GIPR: variants seen among roughly 807,000 people sequenced by gnomAD.
The protein encoded by GIPR is GIP-R.
In GIPR, 74 loss-of-function variants were observed where a neutral mutation model predicts 62.2. The observed-to-expected ratio is 1.19, with a 90% CI of 0.99 to 1.44. The LOEUF (loss-of-function observed/expected upper bound fraction) is 1.44. Among genes scored for constraint, GIPR ranks in the 40% most tolerant of loss-of-function variants. GIPR has a pLI of 0.00. For synonymous variants in GIPR, 256 were observed against 262.2 expected, an observed-to-expected ratio of 0.98 and a Z score of 0.23; for missense variants, 664 against 611.8, an observed-to-expected ratio of 1.09 and a Z score of -0.90.
rs1478727949 is a variant in GIPR at position 45,678,100 on chromosome 19, C to T, written c.1026C>T (p.Ser342=). 4 of 1,612,644 alleles carry T rather than the reference C, an allele frequency of 2.5e-6. No individual in the cohort carries two copies. The highest frequency in any genetic ancestry group is 3.4e-6 in the Non-Finnish European group (4 of 1,179,926). ...CCTCTCTCCCCAGGCTGGCTCGCTC[C>T]ACGCTGACGCTGGTGCCCCTGCTGG... ...CRDYRLRLAR[S]TLTLVPLLGV... The change falls in exon 12 of 14, where the codon TCC becomes TCT. Residue 342 remains serine, a synonymous_variant. Coordinates refer to ENST00000590918, the MANE Select transcript of GIPR (RefSeq NM_000164.4).
In GIPR at chr19:45,683,593, C is replaced by T. The variant is rs1304267538; in HGVS notation, c.*1658C>T. ...TCTGTGGCTCCCTGGACCGACATGC[C>T]CCAAAGCTGAACTCAGCCTTTTCAA... On this transcript the variant is annotated 3_prime_UTR_variant, in exon 14 of 14. Transcript: ENST00000590918. The T allele has an allele frequency of 6.6e-6, 1 of 152,240 alleles. No individual in the cohort carries two copies. Among genetic ancestry groups the T allele is most frequent in the Non-Finnish European group, 1.5e-5 (1 of 68,082 alleles). 9.4% of individuals were successfully genotyped at this position (152,240 alleles called of 1,614,324 possible).
chr19:45,677,964 G>T lies in GIPR; in HGVS notation c.983G>T (p.Arg328Leu), dbSNP rs1967043171. The stretch of plus-strand genomic sequence containing the variant: ...ATTCTCCTGTCCAAGCTGAGGACAC[G>T]GCAAATGCGCTGCCGGGATTACCGG... The part of the protein sequence containing the change: ...LGILLSKLRT[R>L]QMRCRDYRLR... The change falls in exon 11 of 14, where the codon CGG becomes CTG. Residue 328 changes from arginine to leucine, a missense_variant. Physicochemically the swap from Arg to Leu is moderately radical, Grantham distance 102. Coordinates refer to ENST00000590918, the MANE Select transcript of GIPR (RefSeq NM_000164.4). 2 of 1,613,808 alleles carry T rather than the reference G, an allele frequency of 1.2e-6. No homozygotes were observed. Among genetic ancestry groups the T allele is most frequent in the African/African-American group, 1.3e-5 (1 of 74,922 alleles).
At chr19:45,680,856 A>G (rs1028160329) in intron 12 of GIPR, among the ~76,000 whole-genome samples, 1 of 149,712 alleles carries the variant, frequency 6.7e-6, no homozygotes, top group Non-Finnish European at 1.5e-5. Flanking sequence ...AAAAAAAAAA[A>G]AAGCAAAAAA....
chr19:45,680,700 G>A (rs1256387630), intron 12 of GIPR, among the ~76,000 whole-genome samples: 6 of 150,624 alleles, frequency 4.0e-5, no homozygotes, highest in African/African-American at 7.3e-5. Context: ...GCGTGGGGGC[G>A]CATGCCTGTA....
intron 2 of GIPR, among the ~76,000 whole-genome samples, chr19:45,669,933 A>G (rs1975447776): frequency 7.1e-6 from 1 of 141,836 alleles, no homozygotes; most frequent in Admixed American, 7.1e-5. Flanking sequence ...TGGGTGACAG[A>G]GTGAGACTCT....
At chr19:45,671,172 C>T (rs545686530) in intron 3 of GIPR, 113 bp from the exon 4 acceptor site, 15 of 754,464 alleles carry the variant, frequency 2.0e-5, no homozygotes, top group South Asian at 1.8e-4. Context: ...TTGGTGTGGC[C>T]GGCGGAGAAG....
Position 45,678,157 on chromosome 19 carries a change from A to G in GIPR, c.1083A>G (p.Thr361=), listed in dbSNP as rs754137701. The G allele has an allele frequency of 9.9e-6, 16 of 1,609,268 alleles. 1 individual carries two copies. In the Middle Eastern group the frequency reaches 9.7e-4, roughly 98 times the overall value. The part of the protein sequence containing the change: ...GVHEVVFAPV[T]EEQARGALRF... ...ACGAGGTGGTGTTTGCTCCCGTGAC[A>G]GAGGAACAGGCCCGGGGCGCCCTGC... The change falls in exon 12 of 14, where the codon ACA becomes ACG. Residue 361 remains threonine (T), a synonymous_variant. Coordinates refer to ENST00000590918, the MANE Select transcript of GIPR (RefSeq NM_000164.4).
Position 45,677,099 on chromosome 19 carries a change from C to G in GIPR, c.784C>G (p.Leu262Val), listed in dbSNP as rs5392. 168 of 1,613,720 alleles carry G rather than the reference C, an allele frequency of 1.0e-4. No homozygotes were observed. In the African/African-American group the frequency reaches 1.7e-3, roughly 17 times the overall value. ...GGGCCACTTCCGCTACTACCTGCTC[C>G]TCGGCTGGGGTGAGCTCCGATCCCG... ...EEGHFRYYLL[L>V]GWGAPALFVI... The change falls in exon 8 of 14, where the codon CTC becomes GTC. Residue 262 changes from leucine to valine, a missense_variant. Coordinates refer to ENST00000590918, the MANE Select transcript of GIPR (RefSeq NM_000164.4).
chr19:45,677,625 TG>T, intron 9 of GIPR, 84 bp from the exon 10 acceptor site: 1 of 1,082,444 alleles, frequency 9.2e-7, no homozygotes, highest in Non-Finnish European at 1.4e-6. Flanking sequence ...TCAAGTGCGG[TG>T]GGCGGGGCCT....
At position 45,682,334 on chromosome 19, in the gene GIPR, G is replaced by A; in HGVS notation, c.*399G>A. 5.0e-6 allele frequency: 1 copy of A among 201,728 alleles called. No homozygotes were observed. Among genetic ancestry groups the A allele is most frequent in the Non-Finnish European group, 1.0e-5 (1 of 100,238 alleles). 12.5% of individuals were successfully genotyped at this position (201,728 alleles called of 1,614,324 possible). ...TTGGCTGGAGTAGAATTAAGTCAGA[G>A]CCAACAGGTGGGGAGAGACAGAGAA... is the stretch of plus-strand genomic sequence containing the variant. On this transcript the variant is annotated 3_prime_UTR_variant, in exon 14 of 14. Transcript: ENST00000590918.
At position 45,673,058 on chromosome 19, in the gene GIPR, TGTAA is replaced by T. The variant is rs1975626558; in HGVS notation, c.384+107_384+110del. On this transcript the variant is annotated intron_variant, in intron 5 of 13. Coordinates refer to ENST00000590918, the MANE Select transcript of GIPR (RefSeq NM_000164.4). ...CCTTGGACTGTTCAGACCTCTGGGT[TGTAA>T]GTGAGAGAAACTCAACTCAGACTTG... The T allele has an allele frequency of 6.8e-6, 5 of 738,340 alleles. No individual in the cohort carries two copies. In the African/African-American group the frequency reaches 8.7e-5, roughly 13 times the overall value. The allele number at this position is 738,340 out of a possible 1,614,324, so 45.7% of individuals were successfully genotyped here. A position where few individuals can be genotyped will look rare whatever the true frequency, so the allele number is the denominator to read the frequency against.
intron 9 of GIPR, 27 bp downstream of exon 9, chr19:45,677,410 G>T (rs746325803): frequency 7.3e-7 from 1 of 1,376,228 alleles, no homozygotes; most frequent in South Asian, 1.2e-5. Context: ...GGGGCGGGGC[G>T]TGGGAGGTGG....
chr19:45,673,648 G>T (rs756937158), intron 5 of GIPR, among the ~76,000 whole-genome samples: 1 of 151,670 alleles, frequency 6.6e-6, no homozygotes, highest in African/African-American at 2.4e-5. Flanking sequence ...GGCGGATCAC[G>T]AGGTCAAGAG....
Position 45,672,303 on chromosome 19 carries a change from A to C in GIPR, c.281-548A>C, listed in dbSNP as rs563739519. ...AGCGCTGGGATTACAGGCCTATTTA[A>C]CTTTTGTTGTTTTTGTTGTTGTTGA... On this transcript the variant is annotated intron_variant, in intron 4 of 13. Coordinates refer to ENST00000590918, the MANE Select transcript of GIPR (RefSeq NM_000164.4). Among the ~76,000 whole-genome samples the C allele has an allele frequency of 4.0e-4, 61 of 151,450 alleles. 1 individual carries two copies. Among genetic ancestry groups the C allele is most frequent in the South Asian group, 3.8e-3 (18 of 4,778 alleles).
At chr19:45,671,485 C>A in intron 4 of GIPR, 93 bp downstream of exon 4, 1 of 797,154 alleles carries the variant, frequency 1.3e-6, no homozygotes, top group Admixed American at 1.8e-5. Context: ...CACAGCTCAC[C>A]TGCACCCCTC....
chr19:45,675,979 G>A (rs950122079), intron 7 of GIPR, among the ~76,000 whole-genome samples: 2 of 152,170 alleles, frequency 1.3e-5, no homozygotes, highest in Non-Finnish European at 2.9e-5. Context: ...GACGAGGAAG[G>A]CAGGACACAA....
intron 9 of GIPR, 47 bp from the exon 10 acceptor site, chr19:45,677,663 T>C (rs375740585): frequency 2.1e-6 from 3 of 1,439,272 alleles, no homozygotes; most frequent in Non-Finnish European, 2.9e-6. Flanking sequence ...TGGTGATCGG[T>C]GAGTCTAGAG....
At chr19:45,672,985 G>A in intron 5 of GIPR, 31 bp downstream of exon 5, 1 of 1,268,106 alleles carries the variant, frequency 7.9e-7, no homozygotes, top group Non-Finnish European at 1.2e-6. Context: ...CAGGTTAGGA[G>A]TCCAGGGAGA....
At chr19:45,671,725 GAGAAGCCGGGATTAC>G (rs1975549282) in intron 4 of GIPR, among the ~76,000 whole-genome samples, 1 of 151,816 alleles carries the variant, frequency 6.6e-6, no homozygotes, top group South Asian at 2.1e-4. Flanking sequence ...TCAGCCTCCC[GAGAAGCCGGGATTAC>G]AGAAGCCGGG....
Sources: gnomAD v4.1 joint callset for allele counts (sites outside exome capture counted in the v4.1 genomes callset) on GRCh38, gnomAD v4.1.1 for gene constraint, MANE v1.5 for transcripts, NCBI Gene and HGNC (gene_info 2026-07-23, HGNC 2026-07-21) for gene names.